The following ANTXR1 variants were observed in gnomAD, a reference collection of about 807,000 sequenced individuals.
ANTXR1 encodes the protein anthrax toxin receptor 1.
ANTXR1 carries 19 observed loss-of-function variants against 78.1 expected under a neutral mutation model. The ratio of observed to expected loss-of-function variants is 0.24; its 90% CI spans 0.17 to 0.36. ANTXR1 has a LOEUF of 0.36. Among genes scored for constraint, ANTXR1 ranks in the 10% least tolerant of loss-of-function variants. ANTXR1 has a pLI of 1.00. For synonymous variants in ANTXR1, 273 were observed against 260.5 expected (o/e 1.05, Z -0.46); for missense variants, 518 against 718.6 (o/e 0.72, Z 3.19).
intron 17 of ANTXR1, among the ~76,000 whole-genome samples, chr2:69,224,525 G>A (rs929288354): frequency 2.0e-5 from 3 of 151,966 alleles, no homozygotes; most frequent in Non-Finnish European, 4.4e-5. Context: ...CTCCCTGCAA[G>A]TGCCCTACTT....
At chr2:69,237,844 A>T (rs1675805915) in intron 17 of ANTXR1, among the ~76,000 whole-genome samples, 1 of 152,210 alleles carries the variant, frequency 6.6e-6, no homozygotes, top group Admixed American at 6.5e-5. Context: ...GTATATGCAC[A>T]TTTTTATTTA....
chr2:69,194,585 G>A (rs930473691), intron 17 of ANTXR1, among the ~76,000 whole-genome samples: 7 of 152,188 alleles, frequency 4.6e-5, no homozygotes, highest in Admixed American at 4.6e-4. Context: ...GGGCACCGTG[G>A]CTCATACCTG....
At chr2:69,235,487 C>T (rs1675734700) in intron 17 of ANTXR1, among the ~76,000 whole-genome samples, 1 of 151,286 alleles carries the variant, frequency 6.6e-6, no homozygotes, top group African/African-American at 2.4e-5. Context: ...CTGTCTCTAC[C>T]AAATATACAA....
chr2:69,137,260 A>G (rs1177736638), intron 12 of ANTXR1, among the ~76,000 whole-genome samples: 2 of 152,048 alleles, frequency 1.3e-5, no homozygotes, highest in African/African-American at 4.8e-5. Flanking sequence ...TTTCTAATCT[A>G]GATACTCCCC....
At chr2:69,044,628 T>C (rs1191636993) in intron 2 of ANTXR1, 114 bp from the exon 3 acceptor site, 1 of 1,138,726 alleles carries the variant, frequency 8.8e-7, no homozygotes, top group Non-Finnish European at 1.3e-6. Flanking sequence ...CTGTGGGTTA[T>C]GGGTCTTCAG....
At chr2:69,114,521 A>G (rs1672081046) in intron 10 of ANTXR1, among the ~76,000 whole-genome samples, 1 of 152,162 alleles carries the variant, frequency 6.6e-6, no homozygotes, top group African/African-American at 2.4e-5. Flanking sequence ...TGGGGCTATA[A>G]TGTAATCTTG....
chr2:69,073,078 C>G lies in ANTXR1; in HGVS notation c.469C>G (p.Leu157Val). ...ALTDGELHED[L>V]FFYSEREANR... ...GACTGATGGAGAACTCCATGAAGAT[C>G]TCTTTTTCTATTCAGAGAGGGAGGT... is the stretch of plus-strand genomic sequence containing the variant. The change falls in exon 6 of 18, where the codon CTC (leucine) becomes GTC (valine). Residue 157 changes from leucine (L) to valine (V), a missense_variant. Physicochemically the swap from Leu to Val is conservative, Grantham distance 32. This residue lies in a region of ANTXR1 where 264 missense variants were observed against 391.8 expected (regional missense o/e 0.67). Coordinates refer to ENST00000303714, the MANE Select transcript of ANTXR1 (RefSeq NM_032208.3). The G allele has an allele frequency of 6.2e-7, 1 of 1,614,078 alleles. No individual in the cohort carries two copies. Among genetic ancestry groups the G allele is most frequent in the Non-Finnish European group, 8.5e-7 (1 of 1,179,918 alleles).
chr2:69,177,633 C>A (rs1207708603), intron 14 of ANTXR1, among the ~76,000 whole-genome samples: 1 of 152,160 alleles, frequency 6.6e-6, no homozygotes, highest in Admixed American at 6.5e-5. Flanking sequence ...GCGGTTTCTC[C>A]CAGGCACCAC....
rs1211187373 is a variant in ANTXR1, at chr2:69,013,847, G to A, written c.152+196G>A. Among the ~76,000 whole-genome samples the A allele has an allele frequency of 6.6e-6, 1 of 152,198 alleles. No individual in the cohort carries two copies. The highest frequency in any genetic ancestry group is 1.9e-4 in the East Asian group (1 of 5,180). On this transcript the variant is annotated intron_variant, in intron 1 of 17. Coordinates refer to ENST00000303714, the MANE Select transcript of ANTXR1 (RefSeq NM_032208.3). This position sits in a 1 kb window ranked among gnomAD's most constrained non-coding sequence, Gnocchi z 5.0. ...CCTCCCAGCCTCGGCTCCAGAGCCCGCAGCCGAGGCGACGCCGCTTGCTCG... is the reference window on the plus strand; with the variant it reads ...CCTCCCAGCCTCGGCTCCAGAGCCCACAGCCGAGGCGACGCCGCTTGCTCG...
chr2:69,228,135 G>A (rs1222915806), intron 17 of ANTXR1, among the ~76,000 whole-genome samples: 1 of 152,198 alleles, frequency 6.6e-6, no homozygotes, highest in Non-Finnish European at 1.5e-5. Flanking sequence ...CTGATTAGAG[G>A]TTTGTCCCTT....
chr2:69,060,956 T>C (rs1039662972), intron 3 of ANTXR1, among the ~76,000 whole-genome samples: 13 of 152,018 alleles, frequency 8.6e-5, no homozygotes, highest in African/African-American at 3.1e-4. Flanking sequence ...AACTGAGAAA[T>C]ATTTAAACCA....
intron 9 of ANTXR1, among the ~76,000 whole-genome samples, chr2:69,091,381 G>C (rs1671231136): frequency 6.7e-6 from 1 of 149,710 alleles, no homozygotes; most frequent in Non-Finnish European, 1.5e-5. Context: ...GCAGAGGTTG[G>C]GTTGCAGTGA....
chr2:69,241,196 G>A (rs1675886300), intron 17 of ANTXR1, among the ~76,000 whole-genome samples: 1 of 152,194 alleles, frequency 6.6e-6, no homozygotes, highest in Non-Finnish European at 1.5e-5. Context: ...TATGAAGCGA[G>A]AGTTCCAATC....
Position 69,121,426 on chromosome 2 carries a change from G to C in ANTXR1, c.803-1591G>C, listed in dbSNP as rs531569927. ...GAATGAATGAATAAACAAATGACCT[G>C]GAATAACCTCCCTAACTTTTCACCA... On this transcript the variant is annotated intron_variant, in intron 10 of 17. Transcript: ENST00000303714. 6.6e-5 allele frequency among the ~76,000 whole-genome samples: 10 copies of C among 152,260 alleles called. No homozygotes were observed. The East Asian group carries it at 1.9e-3, about 29-fold the overall frequency.
At chr2:69,058,890 C>T (rs937938476) in intron 3 of ANTXR1, among the ~76,000 whole-genome samples, 9 of 152,200 alleles carry the variant, frequency 5.9e-5, no homozygotes, top group Non-Finnish European at 1.0e-4. Flanking sequence ...TTGATTCTAA[C>T]TTTCACAACT....
chr2:69,171,834 T>C (rs1673994252), intron 14 of ANTXR1, among the ~76,000 whole-genome samples: 1 of 152,228 alleles, frequency 6.6e-6, no homozygotes, highest in South Asian at 2.1e-4. Flanking sequence ...CTAGGAAGGA[T>C]AGCTAAAAGC....
chr2:69,058,635 T>C (rs1337461293), intron 3 of ANTXR1, among the ~76,000 whole-genome samples: 1 of 152,222 alleles, frequency 6.6e-6, no homozygotes, highest in Non-Finnish European at 1.5e-5. Context: ...AATGTCATTT[T>C]CATGCCTGCT....
chr2:69,157,991 C>G (rs1268583149), intron 13 of ANTXR1, among the ~76,000 whole-genome samples: 1 of 152,204 alleles, frequency 6.6e-6, no homozygotes, highest in Non-Finnish European at 1.5e-5. Context: ...TCCAGCCTCA[C>G]CTCTTACCTT....
intron 3 of ANTXR1, among the ~76,000 whole-genome samples, chr2:69,058,666 G>A (rs1670140482): frequency 6.6e-6 from 1 of 152,142 alleles, no homozygotes; most frequent in Non-Finnish European, 1.5e-5. Context: ...CCATTCTGTA[G>A]CCCATGGATC....
Sources: allele counts gnomAD v4.1 joint callset (sites outside exome capture counted in the v4.1 genomes callset), GRCh38; gene constraint gnomAD v4.1.1; regional missense constraint gnomAD v4.1.1; non-coding constraint Gnocchi (gnomAD v3.1); transcripts MANE v1.5; gene names NCBI Gene and HGNC (gene_info 2026-07-23, HGNC 2026-07-21).